The following FAM53B variants were observed in gnomAD, a reference collection of about 807,000 sequenced individuals.
FAM53B encodes the protein family with sequence similarity 53 member B.
In FAM53B, 12 loss-of-function variants were observed where a neutral mutation model predicts 32.7. That is an observed-to-expected ratio of 0.37 (90% CI 0.24 to 0.59). The LOEUF is 0.59. FAM53B is among the 20% of genes least tolerant of loss of function. The pLI, the probability that FAM53B is intolerant of heterozygous loss-of-function variation, is 0.72. For synonymous variants in FAM53B, 234 were observed against 228.7 expected, an observed-to-expected ratio of 1.02 and a Z score of -0.21; for missense variants, 477 against 577.7, an observed-to-expected ratio of 0.83 and a Z score of 1.79.
At chr10:124,678,288 C>G (rs1208011558) in intron 4 of FAM53B, among the ~76,000 whole-genome samples, 2 of 152,202 alleles carry the variant, frequency 1.3e-5, no homozygotes, top group African/African-American at 4.8e-5. Context: ...AGCCAATGCA[C>G]TGGGGGGAGT....
intron 1 of FAM53B, among the ~76,000 whole-genome samples, chr10:124,730,155 T>C (rs1008587198): frequency 2.6e-5 from 4 of 152,244 alleles, no homozygotes; most frequent in South Asian, 2.1e-4. Context: ...ATGGAAAACA[T>C]GGTCATTTCA....
At chr10:124,662,959 C>G (rs2134057850) in intron 4 of FAM53B, among the ~76,000 whole-genome samples, 1 of 152,336 alleles carries the variant, frequency 6.6e-6, no homozygotes, top group South Asian at 2.1e-4. Context: ...GCCTGGAATG[C>G]CCACCTGTCT....
intron 1 of FAM53B, among the ~76,000 whole-genome samples, chr10:124,713,250 G>A (rs935448563): frequency 2.0e-4 from 31 of 152,166 alleles, no homozygotes; most frequent in African/African-American, 7.2e-4. Context: ...GAAGACTGAG[G>A]CTCCAAGAAA....
chr10:124,727,878 C>T (rs1244511304), intron 1 of FAM53B, among the ~76,000 whole-genome samples: 1 of 152,164 alleles, frequency 6.6e-6, no homozygotes, highest in African/African-American at 2.4e-5. Flanking sequence ...TTAAGAGAAA[C>T]TGAAAGTCAG....
intron 2 of FAM53B, chr10:124,703,979 A>C (rs530385115): frequency 6.6e-6 from 1 of 152,438 alleles, no homozygotes; most frequent in Admixed American, 6.5e-5. Flanking sequence ...AGAGCAGCTC[A>C]GCTGACCTTG....
chr10:124,741,944 C>CA (rs1253114422), intron 1 of FAM53B, among the ~76,000 whole-genome samples: 1 of 152,246 alleles, frequency 6.6e-6, no homozygotes, highest in African/African-American at 2.4e-5. Flanking sequence ...ACTTCTGCAG[C>CA]AGTGAGGTTG....
intron 4 of FAM53B, among the ~76,000 whole-genome samples, chr10:124,635,654 G>A (rs966459125): frequency 2.6e-5 from 4 of 152,122 alleles, no homozygotes; most frequent in Admixed American, 6.5e-5. Flanking sequence ...TCCTCCAAGA[G>A]GCCAAAGGCA....
chr10:124,707,217 G>A (rs909402865), intron 1 of FAM53B, among the ~76,000 whole-genome samples: 2 of 152,198 alleles, frequency 1.3e-5, no homozygotes, highest in East Asian at 3.9e-4. Context: ...CTCAAGTCAT[G>A]TGACATCTTA....
Position 124,681,916 on chromosome 10 carries a change from T to A in FAM53B, c.597A>T (p.Pro199=). 1 of 1,613,962 alleles carries A rather than the reference T, an allele frequency of 6.2e-7. No individual in the cohort carries two copies. Among genetic ancestry groups the A allele is most frequent in the South Asian group, 1.1e-5 (1 of 91,088 alleles). ...RFGGQPCQGV[P]GSAPCGQAGD... ...CTGCCTGTCCACACGGGGCTGAGCC[T>A]GGCACCCCTTGGCAGGGCTGCCCTC... is the stretch of plus-strand genomic sequence containing the variant. The change falls in exon 4 of 5, where the codon CCA becomes CCT. Residue 199 remains proline (P), a synonymous_variant. Coordinates refer to ENST00000337318, the MANE Select transcript of FAM53B (RefSeq NM_014661.4).
chr10:124,624,932 T>C (rs138587292), intron 4 of FAM53B, among the ~76,000 whole-genome samples: 2,074 of 152,282 alleles, frequency 0.014, 73 homozygotes, highest in Admixed American at 0.07. Context: ...AGGGAAGAGC[T>C]GCGCACAGAG....
intron 3 of FAM53B, among the ~76,000 whole-genome samples, chr10:124,685,599 G>T (rs556692003): frequency 3.3e-5 from 5 of 152,354 alleles, no homozygotes; most frequent in Admixed American, 3.3e-4. Flanking sequence ...CTGCGTCTCC[G>T]CCAGGCCTCG....
At chr10:124,738,402 A>G (rs1950183687) in intron 1 of FAM53B, among the ~76,000 whole-genome samples, 1 of 151,040 alleles carries the variant, frequency 6.6e-6, no homozygotes, top group Non-Finnish European at 1.5e-5. Flanking sequence ...TCTAATGTGC[A>G]GCCAATATTC....
At chr10:124,625,247 T>C (rs1379906067) in intron 4 of FAM53B, among the ~76,000 whole-genome samples, 3 of 152,250 alleles carry the variant, frequency 2.0e-5, no homozygotes, top group Admixed American at 6.5e-5. Flanking sequence ...TCATTGTTCC[T>C]GAACACTCGG....
chr10:124,728,120 CCA>C (rs1950119005), intron 1 of FAM53B, among the ~76,000 whole-genome samples: 1 of 152,206 alleles, frequency 6.6e-6, no homozygotes, highest in Non-Finnish European at 1.5e-5. Context: ...GCTTCGCGAT[CCA>C]GTCACACATT....
intron 4 of FAM53B, among the ~76,000 whole-genome samples, chr10:124,625,838 C>T (rs1008008661): frequency 9.2e-5 from 14 of 152,222 alleles, no homozygotes; most frequent in South Asian, 2.1e-4. Flanking sequence ...CAGGCTGCCC[C>T]GACAGAGGAG....
At chr10:124,725,386 T>C (rs1413123160) in intron 1 of FAM53B, among the ~76,000 whole-genome samples, 9 of 151,462 alleles carry the variant, frequency 5.9e-5, no homozygotes, top group African/African-American at 2.2e-4. Context: ...GTACAGCAGT[T>C]GATTCTGGAC....
chr10:124,738,759 A>G (rs1950185125), intron 1 of FAM53B, among the ~76,000 whole-genome samples: 1 of 152,222 alleles, frequency 6.6e-6, no homozygotes. Flanking sequence ...GGCAACCACC[A>G]CATCATAATT....
intron 4 of FAM53B, among the ~76,000 whole-genome samples, chr10:124,664,718 A>G (rs1421554328): frequency 6.6e-6 from 1 of 152,224 alleles, no homozygotes; most frequent in African/African-American, 2.4e-5. Flanking sequence ...ATAGTCCCGT[A>G]TTCCAAAACA....
intron 1 of FAM53B, among the ~76,000 whole-genome samples, chr10:124,724,896 G>A (rs768572782): frequency 6.6e-6 from 1 of 152,304 alleles, no homozygotes. Flanking sequence ...ACGTGTTTTC[G>A]TGGATATGAA....
Sources: gnomAD v4.1 joint callset for allele counts (sites outside exome capture counted in the v4.1 genomes callset) on GRCh38, gnomAD v4.1.1 for gene constraint, MANE v1.5 for transcripts, NCBI Gene and HGNC (gene_info 2026-07-23, HGNC 2026-07-21) for gene names.